Variants in MBNL1 observed in about 807,000 individuals in gnomAD.
The protein encoded by MBNL1 is muscleblind-like protein 1.
In MBNL1, 8 loss-of-function variants were observed where a neutral mutation model predicts 42.2. The observed-to-expected ratio is 0.19, with a 90% CI of 0.11 to 0.34. The LOEUF is 0.34. MBNL1 is among the 10% of genes least tolerant of loss of function. The probability of loss-of-function intolerance (pLI) is 1.00; values close to 1 mark genes in which losing one functional copy is unlikely to be tolerated. For synonymous variants in MBNL1, 169 were observed against 173.9 expected, an observed-to-expected ratio of 0.97 and a Z score of 0.22; for missense variants, 309 against 495.3, an observed-to-expected ratio of 0.62 and a Z score of 3.57.
chr3:152,423,542 C>T (rs1225168408), intron 3 of MBNL1, among the ~76,000 whole-genome samples: 1 of 152,070 alleles, frequency 6.6e-6, no homozygotes, highest in Non-Finnish European at 1.5e-5. Flanking sequence ...GAAACTATTC[C>T]AAACAATAGA....
At chr3:152,404,219 A>C (rs980074567) in intron 2 of MBNL1, among the ~76,000 whole-genome samples, 1 of 152,346 alleles carries the variant, frequency 6.6e-6, no homozygotes, top group East Asian at 1.9e-4. Context: ...AGTGTAATAT[A>C]TACTAATTTC....
intron 2 of MBNL1, among the ~76,000 whole-genome samples, chr3:152,364,058 A>T (rs1360699205): frequency 6.6e-6 from 1 of 151,920 alleles, no homozygotes; most frequent in Non-Finnish European, 1.5e-5. Flanking sequence ...GGTCAGGTGC[A>T]TTTTTTTCCC....
chr3:152,333,422 T>A (rs1247747602), intron 2 of MBNL1, among the ~76,000 whole-genome samples: 1 of 152,232 alleles, frequency 6.6e-6, no homozygotes. Context: ...TATCAGATGC[T>A]CCTGCCACCA....
intron 2 of MBNL1, among the ~76,000 whole-genome samples, chr3:152,337,353 CTCACG>C (rs1162934458): frequency 2.0e-5 from 3 of 152,156 alleles, no homozygotes; most frequent in Non-Finnish European, 2.9e-5. Flanking sequence ...AGCACGGTGG[CTCACG>C]CCTGTAATGC....
chr3:152,278,340 A>G (rs112811867), intron 1 of MBNL1, among the ~76,000 whole-genome samples: 156 of 152,294 alleles, frequency 1.0e-3, no homozygotes, highest in African/African-American at 3.6e-3. Flanking sequence ...TTTGATAAGC[A>G]TAGCAAAAGT....
chr3:152,343,993 T>G (rs2093794505), intron 2 of MBNL1, among the ~76,000 whole-genome samples: 1 of 152,116 alleles, frequency 6.6e-6, no homozygotes, highest in South Asian at 2.1e-4. Context: ...AATTGTAATT[T>G]GTATGTATGA....
At position 152,300,378 on chromosome 3, in the gene MBNL1, A is replaced by G. The variant is rs1022960687; in HGVS notation, c.174+11A>G. The G allele has an allele frequency of 1.1e-5, 17 of 1,608,326 alleles. No individual in the cohort carries two copies. The highest frequency in any genetic ancestry group is 3.3e-5 in the South Asian group (3 of 90,912). ...TTTGATTCATTGAAAGTGAGTAACT[A>G]TTATATTCTTTTAAGGATATTCAAT... is the stretch of plus-strand genomic sequence containing the variant. On this transcript the variant is annotated intron_variant, in intron 2 of 9. Coordinates refer to ENST00000324210, the MANE Select transcript of MBNL1 (RefSeq NM_021038.5).
intron 2 of MBNL1, among the ~76,000 whole-genome samples, chr3:152,251,317 G>A (rs527529633): frequency 1.1e-4 from 17 of 151,920 alleles, no homozygotes; most frequent in East Asian, 3.9e-4. Flanking sequence ...CTTGTGTAAC[G>A]CATGTTTTAA....
chr3:152,342,291 C>T (rs2093415474), intron 2 of MBNL1, among the ~76,000 whole-genome samples: 1 of 152,156 alleles, frequency 6.6e-6, no homozygotes, highest in African/African-American at 2.4e-5. Context: ...TTGCCATTCA[C>T]TTGCTGGCTA....
At chr3:152,392,104 A>T (rs2097747503) in intron 2 of MBNL1, among the ~76,000 whole-genome samples, 1 of 152,056 alleles carries the variant, frequency 6.6e-6, no homozygotes, top group African/African-American at 2.4e-5. Context: ...TGATTACATT[A>T]TAGAGAAGCA....
At chr3:152,406,303 T>TA (rs2098424623) in intron 2 of MBNL1, among the ~76,000 whole-genome samples, 2 of 152,164 alleles carry the variant, frequency 1.3e-5, no homozygotes, top group Non-Finnish European at 2.9e-5. Context: ...CAGCATCCCA[T>TA]CACAAGCAAC....
At chr3:152,450,580 G>A (rs1178385890) in intron 6 of MBNL1, among the ~76,000 whole-genome samples, 1 of 152,184 alleles carries the variant, frequency 6.6e-6, no homozygotes, top group East Asian at 1.9e-4. Flanking sequence ...TATAGTCAAT[G>A]TTCAGACTTT....
chr3:152,284,678 T>C (rs2050502483), intron 1 of MBNL1, among the ~76,000 whole-genome samples: 1 of 152,168 alleles, frequency 6.6e-6, no homozygotes, highest in African/African-American at 2.4e-5. Context: ...CTTCAGATAC[T>C]GTTTTAGCAG....
chr3:152,259,123 A>G (rs943881844), intron 2 of MBNL1, among the ~76,000 whole-genome samples: 1 of 152,236 alleles, frequency 6.6e-6, no homozygotes, highest in Admixed American at 6.5e-5. Flanking sequence ...CTTCTTTTAT[A>G]CAATTAACTT....
chr3:152,255,225 G>T (rs2035282249), intron 2 of MBNL1, among the ~76,000 whole-genome samples: 1 of 152,108 alleles, frequency 6.6e-6, no homozygotes, highest in Non-Finnish European at 1.5e-5. Flanking sequence ...CTCCCTGGAG[G>T]TAGCTGGTTT....
chr3:152,331,249 T>A (rs2084322517), intron 2 of MBNL1, among the ~76,000 whole-genome samples: 1 of 152,006 alleles, frequency 6.6e-6, no homozygotes, highest in Non-Finnish European at 1.5e-5. Context: ...GAATAGGAAA[T>A]GTTTATTTTC....
intron 2 of MBNL1, among the ~76,000 whole-genome samples, chr3:152,332,690 TTTTGTGTGTG>T (rs1329958802): frequency 3.1e-5 from 4 of 128,932 alleles, no homozygotes; most frequent in African/African-American, 5.9e-5. Flanking sequence ...GTTTTCATGG[TTTTGTGTGTG>T]TGTGTGTGTG....
At chr3:152,301,537 C>A (rs1313255434) in intron 2 of MBNL1, among the ~76,000 whole-genome samples, 1 of 152,090 alleles carries the variant, frequency 6.6e-6, no homozygotes, top group African/African-American at 2.4e-5. Context: ...TTAGGCTGTT[C>A]ATTTTGCTAA....
intron 3 of MBNL1, among the ~76,000 whole-genome samples, chr3:152,426,085 A>G (rs930373576): frequency 1.3e-5 from 2 of 152,052 alleles, no homozygotes; most frequent in African/African-American, 4.8e-5. Context: ...TTCTCAGCAA[A>G]CTAACAACAG....
Sources: gnomAD v4.1 joint callset for allele counts (sites outside exome capture counted in the v4.1 genomes callset) on GRCh38, gnomAD v4.1.1 for gene constraint, MANE v1.5 for transcripts, NCBI Gene and HGNC (gene_info 2026-07-23, HGNC 2026-07-21) for gene names.